Variants in SGMS1 observed in about 807,000 individuals in gnomAD.
The protein encoded by SGMS1 is sphingomyelin synthase 1, also known as phosphatidylcholine:ceramide cholinephosphotransferase 1.
Under a neutral mutation model 46.2 loss-of-function variants are expected in SGMS1, and 13 were observed. The observed-to-expected ratio is 0.28, with a 90% CI of 0.18 to 0.45. The LOEUF (loss-of-function observed/expected upper bound fraction) is 0.45, where lower values mean the gene tolerates loss of function less well. Ranked by LOEUF, SGMS1 falls within the 20% of genes least tolerant of loss-of-function variation. SGMS1 has a pLI of 1.00. For missense variants in SGMS1, 324 were observed against 519.9 expected (o/e 0.62, Z 3.66); for synonymous variants, 203 against 187.8 (o/e 1.08, Z -0.66).
intron 6 of SGMS1, among the ~76,000 whole-genome samples, chr10:50,368,481 C>A (rs1024037950): frequency 6.6e-6 from 1 of 152,190 alleles, no homozygotes; most frequent in Non-Finnish European, 1.5e-5. Context: ...CTCAGCCTCC[C>A]GAGTAGCTGG....
chr10:50,565,825 G>A (rs1838283567), intron 2 of SGMS1, among the ~76,000 whole-genome samples: 1 of 152,162 alleles, frequency 6.6e-6, no homozygotes. Flanking sequence ...CTCCATCCCC[G>A]GCACCCAGTG....
chr10:50,499,254 G>A (rs1482852579), intron 3 of SGMS1, among the ~76,000 whole-genome samples: 1 of 152,116 alleles, frequency 6.6e-6, no homozygotes, highest in Admixed American at 6.6e-5. Flanking sequence ...CCTTCCCTAA[G>A]CCTTGGTTTT....
At chr10:50,469,022 G>A (rs1837355907) in intron 3 of SGMS1, among the ~76,000 whole-genome samples, 1 of 152,190 alleles carries the variant, frequency 6.6e-6, no homozygotes, top group Admixed American at 6.6e-5. Flanking sequence ...AACTTAACCA[G>A]ATGAAGACAT....
At chr10:50,409,742 A>T (rs2133565987) in intron 6 of SGMS1, among the ~76,000 whole-genome samples, 1 of 152,324 alleles carries the variant, frequency 6.6e-6, no homozygotes, top group African/African-American at 2.4e-5. Context: ...AAGACTATAA[A>T]GAGGACAATT....
chr10:50,444,219 A>G (rs1306427070), intron 5 of SGMS1, among the ~76,000 whole-genome samples: 1 of 152,186 alleles, frequency 6.6e-6, no homozygotes, highest in Non-Finnish European at 1.5e-5. Flanking sequence ...ATACTGAACT[A>G]TATGGTACCT....
At chr10:50,431,594 A>C (rs995684113) in intron 6 of SGMS1, among the ~76,000 whole-genome samples, 1 of 151,712 alleles carries the variant, frequency 6.6e-6, no homozygotes, top group Non-Finnish European at 1.5e-5. Flanking sequence ...CCTCCATTTC[A>C]CTCCCTAAGA....
chr10:50,567,386 A>C (rs556503962), intron 2 of SGMS1, among the ~76,000 whole-genome samples: 1 of 152,240 alleles, frequency 6.6e-6, no homozygotes, highest in Non-Finnish European at 1.5e-5. Flanking sequence ...GTGTAAAACC[A>C]AGAAGTTCCT....
intron 3 of SGMS1, among the ~76,000 whole-genome samples, chr10:50,495,146 G>A (rs1210627899): frequency 1.3e-5 from 2 of 149,424 alleles, no homozygotes; most frequent in Non-Finnish European, 3.0e-5. Context: ...GCTGAGGCAG[G>A]AGAATGGCGT....
intron 3 of SGMS1, among the ~76,000 whole-genome samples, chr10:50,506,234 C>A (rs1029243752): frequency 3.9e-5 from 6 of 152,116 alleles, no homozygotes; most frequent in African/African-American, 1.2e-4. Context: ...ATAATTAAAT[C>A]ATTATTTCTG....
chr10:50,568,829 T>A lies in SGMS1; in HGVS notation c.-589+21324A>T, dbSNP rs529073754. ...AAAGAAGCAAGGAATGTAAGTGCTGTGAGGGCGCTTACAGACATAGTAAAG... is the reference window on the plus strand; with the variant it reads ...AAAGAAGCAAGGAATGTAAGTGCTGAGAGGGCGCTTACAGACATAGTAAAG... On this transcript the variant is annotated intron_variant, in intron 2 of 10. Coordinates refer to ENST00000361781, the MANE Select transcript of SGMS1 (RefSeq NM_147156.4). 1.3e-4 allele frequency among the ~76,000 whole-genome samples: 20 copies of A among 152,304 alleles called. 1 individual carries two copies. The highest frequency in any genetic ancestry group is 3.4e-3 in the Middle Eastern group (1 of 294).
At chr10:50,468,006 G>A (rs752270930) in intron 3 of SGMS1, among the ~76,000 whole-genome samples, 3 of 152,164 alleles carry the variant, frequency 2.0e-5, no homozygotes, top group Non-Finnish European at 4.4e-5. Flanking sequence ...GAAGGCAGGA[G>A]CAGAGGGGAG....
chr10:50,504,756 A>G (rs1239560650), intron 3 of SGMS1, among the ~76,000 whole-genome samples: 1 of 152,196 alleles, frequency 6.6e-6, no homozygotes, highest in Non-Finnish European at 1.5e-5. Flanking sequence ...AAAGGTTTAG[A>G]AAAACATTTC....
At chr10:50,312,287 G>A (rs951108706) in intron 8 of SGMS1, among the ~76,000 whole-genome samples, 4 of 147,002 alleles carry the variant, frequency 2.7e-5, no homozygotes, top group Non-Finnish European at 1.5e-5. Flanking sequence ...AAATTATCAA[G>A]ACTTCTGATT....
chr10:50,587,021 T>C (rs1838490458), intron 2 of SGMS1, among the ~76,000 whole-genome samples: 1 of 152,242 alleles, frequency 6.6e-6, no homozygotes, highest in Non-Finnish European at 1.5e-5. Context: ...TGTTGTTGAA[T>C]GAGAGAAGCC....
Position 50,513,737 on chromosome 10 carries a change from C to T in SGMS1, c.-498+6094G>A, listed in dbSNP as rs568967962. Among the ~76,000 whole-genome samples, 4 of 152,126 alleles carry T rather than the reference C, an allele frequency of 2.6e-5. No homozygotes were observed. The East Asian group carries it at 5.8e-4, about 22-fold the overall frequency. On this transcript the variant is annotated intron_variant, in intron 3 of 10. Transcript: ENST00000361781. ...AAGCTCAAAATTAAGCCATTTAGAC[C>T]CAGACTGTTTCATAGTATTTATAAA...
At chr10:50,517,154 G>A (rs1837813594) in intron 3 of SGMS1, among the ~76,000 whole-genome samples, 1 of 152,160 alleles carries the variant, frequency 6.6e-6, no homozygotes, top group Non-Finnish European at 1.5e-5. Flanking sequence ...AAGATTCCAA[G>A]ACATAATTAT....
rs188088486 is a variant in SGMS1, at chr10:50,492,595, G to A, written c.-497-25663C>T. 2.3e-3 allele frequency among the ~76,000 whole-genome samples: 352 copies of A among 152,094 alleles called. 4 individuals are homozygous for A. The highest frequency in any genetic ancestry group is 8.0e-3 in the African/African-American group (333 of 41,506). On this transcript the variant is annotated intron_variant, in intron 3 of 10. Transcript: ENST00000361781. ...AAAATACCTAGGAATACAGGTAACCGGGGAGGTGAAAGACCTCTACAAAGA... is the reference window on the plus strand; with the variant it reads ...AAAATACCTAGGAATACAGGTAACCAGGGAGGTGAAAGACCTCTACAAAGA...
chr10:50,510,496 C>A (rs1035680357), intron 3 of SGMS1, among the ~76,000 whole-genome samples: 1 of 152,136 alleles, frequency 6.6e-6, no homozygotes, highest in Non-Finnish European at 1.5e-5. Flanking sequence ...CTCTCACCAG[C>A]AATGTAGGAG....
chr10:50,369,095 C>T (rs1353708634), intron 6 of SGMS1, among the ~76,000 whole-genome samples: 2 of 152,056 alleles, frequency 1.3e-5, no homozygotes, highest in Admixed American at 1.3e-4. Context: ...CATAAACAAG[C>T]CTAAAAGATA....
Sources: gnomAD v4.1 joint callset for allele counts (sites outside exome capture counted in the v4.1 genomes callset) on GRCh38, gnomAD v4.1.1 for gene constraint, MANE v1.5 for transcripts, NCBI Gene and HGNC (gene_info 2026-07-23, HGNC 2026-07-21) for gene names.